The following MTUS2 variants were observed in gnomAD, a reference collection of about 807,000 sequenced individuals.
MTUS2 encodes microtubule associated scaffold protein 2.
Under a neutral mutation model 114.1 loss-of-function variants are expected in MTUS2, and 40 were observed. The ratio of observed to expected loss-of-function variants is 0.35; its 90% CI spans 0.27 to 0.46. The LOEUF (loss-of-function observed/expected upper bound fraction) is 0.46, where lower values mean the gene tolerates loss of function less well. Ranked by LOEUF, MTUS2 falls within the 20% of genes least tolerant of loss-of-function variation. The pLI is 1.00. For synonymous variants in MTUS2, 688 were observed against 672.0 expected, an observed-to-expected ratio of 1.02 and a Z score of -0.37; for missense variants, 1,679 against 1,705.4, an observed-to-expected ratio of 0.98 and a Z score of 0.27.
chr13:29,416,849 T>C (rs1167874991), intron 8 of MTUS2, among the ~76,000 whole-genome samples: 1 of 152,250 alleles, frequency 6.6e-6, no homozygotes, highest in Non-Finnish European at 1.5e-5. Flanking sequence ...TGTTTTGTTT[T>C]GTTTTCAGTC....
At position 29,075,398 on chromosome 13, in the gene MTUS2, G is replaced by A. The variant is rs529367781; in HGVS notation, c.2447-25375G>A. Among the ~76,000 whole-genome samples the A allele has an allele frequency of 3.3e-5, 5 of 152,264 alleles. No homozygotes were observed. In the East Asian group the frequency reaches 9.7e-4, roughly 29 times the overall value. ...TTGTCTACTTTCCTTTTTTATAAAA[G>A]TTTTGAATCCTAAGAGTGTTCTTAG... On this transcript the variant is annotated intron_variant, in intron 4 of 15. Transcript: ENST00000612955.
At chr13:29,110,910 T>C (rs747080210) in intron 5 of MTUS2, among the ~76,000 whole-genome samples, 1 of 152,202 alleles carries the variant, frequency 6.6e-6, no homozygotes, top group Non-Finnish European at 1.5e-5. Flanking sequence ...AGAAAAGAAA[T>C]ATGACATATT....
intron 5 of MTUS2, among the ~76,000 whole-genome samples, chr13:29,194,735 C>A (rs1894602799): frequency 6.6e-6 from 1 of 151,276 alleles, no homozygotes; most frequent in Admixed American, 6.6e-5. Context: ...CCCAGCCATC[C>A]CATTACTGGG....
intron 2 of MTUS2, among the ~76,000 whole-genome samples, chr13:28,858,115 C>CT (rs1876750087): frequency 6.6e-6 from 1 of 152,274 alleles, no homozygotes; most frequent in South Asian, 2.1e-4. Context: ...GTGCCTTTCC[C>CT]TTAGAGGCTA....
At chr13:29,281,223 G>A (rs543293544) in intron 5 of MTUS2, among the ~76,000 whole-genome samples, 8 of 152,050 alleles carry the variant, frequency 5.3e-5, no homozygotes, top group Non-Finnish European at 1.0e-4. Flanking sequence ...AGATTTCAGG[G>A]ATCTCTGAAT....
At chr13:28,958,919 T>A (rs1254971033) in intron 2 of MTUS2, among the ~76,000 whole-genome samples, 1 of 152,172 alleles carries the variant, frequency 6.6e-6, no homozygotes, top group Non-Finnish European at 1.5e-5. Flanking sequence ...TTTTAAAAAA[T>A]TAGTATTTAA....
At chr13:29,282,733 T>C (rs1898323801) in intron 6 of MTUS2, among the ~76,000 whole-genome samples, 1 of 152,222 alleles carries the variant, frequency 6.6e-6, no homozygotes, top group Admixed American at 6.5e-5. Context: ...CTTGTATCAA[T>C]GTATCATCAT....
chr13:29,375,541 G>A (rs1214045178), intron 8 of MTUS2, among the ~76,000 whole-genome samples: 44 of 3,480 alleles, frequency 0.013, 4 homozygotes, highest in African/African-American at 0.037. Flanking sequence ...ATATATACGT[G>A]TATATATATA....
At chr13:29,492,765 G>A (rs1882280853) in intron 12 of MTUS2, 46 bp downstream of exon 12, 2 of 1,416,458 alleles carry the variant, frequency 1.4e-6, no homozygotes, top group Non-Finnish European at 2.0e-6. Context: ...GATAATGGCA[G>A]CATCATTATT....
At chr13:28,856,788 C>A (rs1329541613) in intron 2 of MTUS2, among the ~76,000 whole-genome samples, 1 of 152,174 alleles carries the variant, frequency 6.6e-6, no homozygotes, top group Admixed American at 6.5e-5. Context: ...GCCTCCCTAC[C>A]CCGCCAAAAT....
At chr13:28,990,722 C>G (rs980958864) in intron 2 of MTUS2, among the ~76,000 whole-genome samples, 1 of 152,196 alleles carries the variant, frequency 6.6e-6, no homozygotes, top group Admixed American at 6.5e-5. Flanking sequence ...GGAATAAAAG[C>G]TGGCCACCCC....
intron 5 of MTUS2, among the ~76,000 whole-genome samples, chr13:29,236,820 A>G (rs563550970): frequency 1.7e-4 from 26 of 152,360 alleles, no homozygotes; most frequent in African/African-American, 6.3e-4. Flanking sequence ...AGGGAAATGC[A>G]GAACATTCAG....
At chr13:28,908,835 A>T (rs1880218141) in intron 2 of MTUS2, among the ~76,000 whole-genome samples, 1 of 151,568 alleles carries the variant, frequency 6.6e-6, no homozygotes, top group African/African-American at 2.4e-5. Flanking sequence ...CTAACATGTA[A>T]GTCTTTAATC....
intron 5 of MTUS2, among the ~76,000 whole-genome samples, chr13:29,215,957 T>C (rs1460257213): frequency 6.6e-6 from 1 of 152,200 alleles, no homozygotes; most frequent in Non-Finnish European, 1.5e-5. Context: ...AACGTTTAAG[T>C]CTGCTGAAGG....
At chr13:29,481,326 G>A (rs1195008432) in intron 10 of MTUS2, among the ~76,000 whole-genome samples, 2 of 152,128 alleles carry the variant, frequency 1.3e-5, no homozygotes, top group East Asian at 1.9e-4. Flanking sequence ...TGCCGTTAGC[G>A]CTGATGAGAG....
At chr13:29,167,111 A>G (rs1893346968) in intron 5 of MTUS2, among the ~76,000 whole-genome samples, 1 of 152,228 alleles carries the variant, frequency 6.6e-6, no homozygotes, top group African/African-American at 2.4e-5. Flanking sequence ...ACGGTGGCTC[A>G]CGCCTGTAAT....
At chr13:29,127,512 A>G (rs541919338) in intron 5 of MTUS2, among the ~76,000 whole-genome samples, 1 of 152,314 alleles carries the variant, frequency 6.6e-6, no homozygotes, top group African/African-American at 2.4e-5. Flanking sequence ...GGCTTCCCTG[A>G]AGAGAAAGAA....
At chr13:29,092,393 T>A (rs1889996729) in intron 4 of MTUS2, among the ~76,000 whole-genome samples, 1 of 152,170 alleles carries the variant, frequency 6.6e-6, no homozygotes, top group South Asian at 2.1e-4. Flanking sequence ...CCCATACAAG[T>A]CCCAGACCCA....
chr13:29,081,927 G>T (rs1233742499), intron 4 of MTUS2, among the ~76,000 whole-genome samples: 1 of 152,268 alleles, frequency 6.6e-6, no homozygotes, highest in East Asian at 1.9e-4. Context: ...CTTTTGGCCG[G>T]AGTATCCAGT....
Sources: gnomAD v4.1 joint callset for allele counts (sites outside exome capture counted in the v4.1 genomes callset) on GRCh38, gnomAD v4.1.1 for gene constraint, MANE v1.5 for transcripts, NCBI Gene and HGNC (gene_info 2026-07-23, HGNC 2026-07-21) for gene names.